KANK1: variants seen among roughly 807,000 people sequenced by gnomAD.
KANK1 encodes the protein KN motif and ankyrin repeat domain-containing protein 1.
In KANK1, 109 loss-of-function variants were observed where a neutral mutation model predicts 106.2. That is an observed-to-expected ratio of 1.03 (90% CI 0.88 to 1.20). KANK1 has a LOEUF of 1.20. KANK1 is among the 50% of genes most tolerant of loss of function. KANK1 has a pLI of 0.00. For synonymous variants in KANK1, 873 were observed against 652.2 expected, an observed-to-expected ratio of 1.34 and a Z score of -5.16; for missense variants, 2,399 against 1,710.7, an observed-to-expected ratio of 1.40 and a Z score of -7.10.
intron 1 of KANK1, among the ~76,000 whole-genome samples, chr9:533,057 T>C (rs1045868580): frequency 6.6e-6 from 1 of 152,186 alleles, no homozygotes; most frequent in Non-Finnish European, 1.5e-5. Context: ...AGGAAAGCAC[T>C]TTTGAATATT....
chr9:738,651 C>G (rs1052517962), intron 8 of KANK1, 147 bp downstream of exon 8: 2 of 665,694 alleles, frequency 3.0e-6, no homozygotes, highest in Non-Finnish European at 5.2e-6. Flanking sequence ...CAAGAATTTT[C>G]TTGAGTCATT....
At chr9:647,489 G>A (rs910420471) in intron 1 of KANK1, among the ~76,000 whole-genome samples, 1 of 150,828 alleles carries the variant, frequency 6.6e-6, no homozygotes, top group African/African-American at 2.5e-5. Context: ...CCAAACTAGT[G>A]AAAACTACAG....
At chr9:476,009 C>T (rs556310698) in intron 3 of KANK1, among the ~76,000 whole-genome samples, 142 of 152,058 alleles carry the variant, frequency 9.3e-4, no homozygotes, top group African/African-American at 3.0e-3. Context: ...CCTGCCACCA[C>T]ACCCGGCTAA....
chr9:720,459 G>A (rs186522462), intron 3 of KANK1, among the ~76,000 whole-genome samples: 161 of 152,068 alleles, frequency 1.1e-3, no homozygotes, highest in African/African-American at 3.7e-3. Flanking sequence ...GTCCTCACAC[G>A]TGAACCTCCC....
intron 1 of KANK1, among the ~76,000 whole-genome samples, chr9:583,317 TTCA>T (rs1822635433): frequency 6.6e-6 from 1 of 152,176 alleles, no homozygotes; most frequent in African/African-American, 2.4e-5. Context: ...GCCTAGTAGG[TTCA>T]TCATAAGGAC....
intron 2 of KANK1, chr9:693,321 T>C (rs1820440847): frequency 1.1e-6 from 1 of 915,126 alleles, no homozygotes; most frequent in South Asian, 5.0e-5. Flanking sequence ...TAGCTCAAAT[T>C]GTAACAGAGA....
intron 1 of KANK1, among the ~76,000 whole-genome samples, chr9:525,179 G>C (rs914663342): frequency 2.0e-5 from 3 of 150,934 alleles, no homozygotes; most frequent in Non-Finnish European, 4.4e-5. Flanking sequence ...ATTTTTAGTA[G>C]AGACGGGGTT....
intron 1 of KANK1, among the ~76,000 whole-genome samples, chr9:545,674 T>C (rs2060882538): frequency 1.3e-5 from 2 of 150,422 alleles, no homozygotes; most frequent in African/African-American, 2.5e-5. Flanking sequence ...AGGGACTTCA[T>C]GGCAGCGTGA....
chr9:555,726 A>G (rs562008835), intron 1 of KANK1, among the ~76,000 whole-genome samples: 1 of 152,364 alleles, frequency 6.6e-6, no homozygotes, highest in South Asian at 2.1e-4. Context: ...TTGTACTGGA[A>G]TATGAAATAT....
At chr9:707,158 A>C (rs1000279114) in intron 2 of KANK1, 105 of 985,492 alleles carry the variant, frequency 1.1e-4, no homozygotes, top group Non-Finnish European at 1.3e-4. Flanking sequence ...CGGGGTGAGG[A>C]TCGAGGGCGC....
chr9:517,879 C>A (rs376886580), intron 1 of KANK1, among the ~76,000 whole-genome samples: 2 of 151,104 alleles, frequency 1.3e-5, no homozygotes, highest in African/African-American at 4.9e-5. Context: ...GCTGGAATTA[C>A]GGAGTCCCCC....
chr9:631,616 C>G (rs561385002), intron 1 of KANK1, among the ~76,000 whole-genome samples: 2 of 152,328 alleles, frequency 1.3e-5, no homozygotes, highest in Admixed American at 1.3e-4. Flanking sequence ...TTACTGAAAA[C>G]TAACCCAATA....
chr9:663,578 C>A (rs185848151), intron 1 of KANK1, among the ~76,000 whole-genome samples: 4 of 152,288 alleles, frequency 2.6e-5, no homozygotes, highest in African/African-American at 7.2e-5. Context: ...TTTAGACTAT[C>A]TATTGCTGCT....
intron 1 of KANK1, among the ~76,000 whole-genome samples, chr9:660,631 G>T (rs561537035): frequency 2.0e-5 from 3 of 152,122 alleles, no homozygotes; most frequent in Non-Finnish European, 4.4e-5. Context: ...AGACAACTAC[G>T]TCTGGCCAGA....
chr9:647,067 A>G (rs1305740359), intron 1 of KANK1, among the ~76,000 whole-genome samples: 1 of 151,096 alleles, frequency 6.6e-6, no homozygotes, highest in Non-Finnish European at 1.5e-5. Context: ...GGCCTTCCAG[A>G]AGCCATCCCC....
At chr9:623,216 T>TA (rs923326540) in intron 1 of KANK1, among the ~76,000 whole-genome samples, 21 of 144,316 alleles carry the variant, frequency 1.5e-4, no homozygotes, top group South Asian at 2.2e-4. Flanking sequence ...AATACTAAAA[T>TA]AAAAAAAAAA....
At chr9:706,809 T>C (rs1326663087) in intron 2 of KANK1, 4 of 985,356 alleles carry the variant, frequency 4.1e-6, no homozygotes, top group Non-Finnish European at 4.8e-6. Context: ...GTGGGGCTGA[T>C]TGTGCCTCTG....
chr9:745,355 A>G lies in KANK1; in HGVS notation c.*120A>G. The G allele has an allele frequency of 7.7e-7, 1 of 1,297,102 alleles. No individual in the cohort carries two copies. The highest frequency in any genetic ancestry group is 1.1e-6 in the Non-Finnish European group (1 of 903,886). 80.3% of individuals were successfully genotyped at this position (1,297,102 alleles called of 1,614,324 possible). A position where few individuals can be genotyped will look rare whatever the true frequency, so the allele number is the denominator to read the frequency against. On this transcript the variant is annotated 3_prime_UTR_variant, in exon 12 of 12. Transcript: ENST00000382297. ...GAGCTCACCAGCAAACAGAAGCATC[A>G]AGCCCAGGGGTAAAGGCTGAAGCTT...
Position 499,035 on chromosome 9 carries a change from A to G in KANK1, c.-362+25762A>G, listed in dbSNP as rs188396728. Among the ~76,000 whole-genome samples, 51 of 152,072 alleles carry G rather than the reference A, an allele frequency of 3.4e-4. 1 individual carries two copies. Among genetic ancestry groups the G allele is most frequent in the African/African-American group, 1.2e-3 (48 of 41,482 alleles). On this transcript the variant is annotated intron_variant, in intron 3 of 15. Transcript: ENST00000382303. ...TACTAAAAATAAAAAAAAATTAGCC[A>G]GGCGTGGTGGCGAGCGCCTGTAGTC...
Sources: gnomAD v4.1 joint callset for allele counts (sites outside exome capture counted in the v4.1 genomes callset) on GRCh38, gnomAD v4.1.1 for gene constraint, MANE v1.5 for transcripts, NCBI Gene and HGNC (gene_info 2026-07-23, HGNC 2026-07-21) for gene names.